Variants in C14orf180 observed in about 807,000 individuals in gnomAD.
The protein encoded by C14orf180 is nutritionally-regulated adipose and cardiac enriched protein homolog.
C14orf180 carries 13 observed loss-of-function variants against 13.9 expected under a neutral mutation model. The observed-to-expected ratio is 0.94, with a 90% CI of 0.61 to 1.49. C14orf180 has a LOEUF of 1.49. Ranked by LOEUF, C14orf180 falls within the 40% of genes most tolerant of loss-of-function variation. The probability of loss-of-function intolerance (pLI) is 0.00; values close to 1 mark genes in which losing one functional copy is unlikely to be tolerated. For missense variants in C14orf180, 238 were observed against 232.0 expected (o/e 1.03, Z -0.17); for synonymous variants, 113 against 106.3 (o/e 1.06, Z -0.39).
intron 1 of C14orf180, among the ~76,000 whole-genome samples, chr14:104,582,276 A>G (rs1410428766): frequency 6.6e-6 from 1 of 152,098 alleles, no homozygotes; most frequent in East Asian, 1.9e-4. Flanking sequence ...GCTTGGCGTT[A>G]TCCAAGCCAC....
At chr14:104,587,319 C>A (rs1364143052) in intron 2 of C14orf180, among the ~76,000 whole-genome samples, 1 of 152,178 alleles carries the variant, frequency 6.6e-6, no homozygotes, top group East Asian at 1.9e-4. Context: ...CCGAGGCCAC[C>A]AACCAGCCCT....
At chr14:104,587,289 C>A (rs1198295682) in intron 2 of C14orf180, among the ~76,000 whole-genome samples, 1 of 151,974 alleles carries the variant, frequency 6.6e-6, no homozygotes, top group African/African-American at 2.4e-5. Flanking sequence ...CTGGGAGGCT[C>A]GGCCCCAGGG....
At chr14:104,585,305 C>A (rs1450942731) in intron 1 of C14orf180, among the ~76,000 whole-genome samples, 1 of 152,216 alleles carries the variant, frequency 6.6e-6, no homozygotes, top group Non-Finnish European at 1.5e-5. Context: ...GCCCCAGCCC[C>A]CTCTGGCCTC....
chr14:104,583,592 C>T (rs1566734979), intron 1 of C14orf180, among the ~76,000 whole-genome samples: 1 of 152,076 alleles, frequency 6.6e-6, no homozygotes, highest in Non-Finnish European at 1.5e-5. Context: ...GGAGCCCACA[C>T]CTGAAGAGGG....
chr14:104,586,334 G>T (rs1886617789), intron 1 of C14orf180, 81 bp from the exon 2 acceptor site: 3 of 1,012,846 alleles, frequency 3.0e-6, no homozygotes, highest in African/African-American at 1.7e-5. Flanking sequence ...TTCCAGGAAA[G>T]AATTTTCTCC....
chr14:104,583,029 C>G (rs1161412990), intron 1 of C14orf180, among the ~76,000 whole-genome samples: 2 of 152,208 alleles, frequency 1.3e-5, no homozygotes, highest in African/African-American at 4.8e-5. Flanking sequence ...GGACTTGAGC[C>G]AGACCTCTCT....
chr14:104,580,524 G>A (rs1010453642), intron 1 of C14orf180, among the ~76,000 whole-genome samples: 7 of 152,234 alleles, frequency 4.6e-5, no homozygotes, highest in Middle Eastern at 3.2e-3. Context: ...CATGAACCCA[G>A]CCAGCCTTCC....
Position 104,589,035 on chromosome 14 carries a change from T to G in C14orf180, c.*252T>G. ...GTGTTGGGTCCATGTGAGATTTTATTAGAAAGAGGATTCGACTGCTAACAG... is the reference window on the plus strand; with the variant it reads ...GTGTTGGGTCCATGTGAGATTTTATGAGAAAGAGGATTCGACTGCTAACAG... On this transcript the variant is annotated 3_prime_UTR_variant, in exon 5 of 5. Coordinates refer to ENST00000557649, the MANE Select transcript of C14orf180 (RefSeq NM_001008404.3). This position sits in a 1 kb window ranked among gnomAD's most constrained non-coding sequence, Gnocchi z 4.9. The G allele has an allele frequency of 1.4e-6, 1 of 712,260 alleles. No homozygotes were observed. The highest frequency in any genetic ancestry group is 2.3e-5 in the South Asian group (1 of 43,168). 44.1% of individuals were successfully genotyped at this position (712,260 alleles called of 1,614,324 possible). A position where few individuals can be genotyped will look rare whatever the true frequency, so the allele number is the denominator to read the frequency against.
At chr14:104,582,173 A>G (rs1312116542) in intron 1 of C14orf180, among the ~76,000 whole-genome samples, 2 of 152,174 alleles carry the variant, frequency 1.3e-5, no homozygotes, top group Admixed American at 6.5e-5. Context: ...GGCCAGGCAG[A>G]GGCAGCAGCC....
rs2140470181 is a variant in C14orf180, at chr14:104,588,931, AC to A, written c.*152del. 1.4e-6 allele frequency: 2 copies of A among 1,428,708 alleles called. No individual in the cohort carries two copies. The highest frequency in any genetic ancestry group is 1.5e-5 in the South Asian group (1 of 67,558). The allele number at this position is 1,428,708 out of a possible 1,614,324, so 88.5% of individuals were successfully genotyped here. On this transcript the variant is annotated 3_prime_UTR_variant, in exon 5 of 5. Transcript: ENST00000557649. The stretch of plus-strand genomic sequence containing the variant: ...CTGAGGGCTAACTAGGAAAAGGGGG[AC>A]CCCGTGGCGTGAGATCGGACATGGG...
chr14:104,584,736 C>G (rs1886558497), intron 1 of C14orf180, among the ~76,000 whole-genome samples: 1 of 152,226 alleles, frequency 6.6e-6, no homozygotes, highest in South Asian at 2.1e-4. Context: ...ATGGCCGGCT[C>G]CTGCCACAAC....
Position 104,588,300 on chromosome 14 carries a change from A to G in C14orf180, c.268A>G (p.Thr90Ala), listed in dbSNP as rs1886706246. Reference protein sequence around the residue: ...HYIADKNATATVRVPGRPRPH... With the variant: ...HYIADKNATAAVRVPGRPRPH... ...CATTGCTGACAAGAACGCCACAGCC[A>G]CTGTCAGGGGTGAGTTCTGAGCCCA... The change falls in exon 4 of 5, where the codon ACT (threonine) becomes GCT (alanine). Residue 90 changes from threonine to alanine, a missense_variant. Physicochemically the swap from Thr to Ala is moderately conservative, Grantham distance 58 (BLOSUM62 0). Coordinates refer to ENST00000557649, the MANE Select transcript of C14orf180 (RefSeq NM_001008404.3). 1 of 1,613,998 alleles carries G rather than the reference A, an allele frequency of 6.2e-7. No individual in the cohort carries two copies. The highest frequency in any genetic ancestry group is 8.5e-7 in the Non-Finnish European group (1 of 1,179,980).
At chr14:104,587,932 A>C in intron 3 of C14orf180, 54 bp downstream of exon 3, 1 of 1,551,904 alleles carries the variant, frequency 6.4e-7, no homozygotes, top group Non-Finnish European at 8.7e-7. Flanking sequence ...AAGCAGAGGG[A>C]GGCGGGGACA....
intron 1 of C14orf180, 91 bp downstream of exon 1, chr14:104,580,094 G>A (rs1886388039): frequency 2.0e-5 from 3 of 152,222 alleles, no homozygotes; most frequent in Non-Finnish European, 4.4e-5. Context: ...GGTGCAGGTG[G>A]GGAACCTGCC....
Position 104,586,509 on chromosome 14 carries a change from G to T in C14orf180, c.79G>T (p.Ala27Ser), listed in dbSNP as rs201836429. ...RRQTRKNEEA[A>S]WGPRVCRAER... ...TCAGACCAGAAAGAATGAGGAGGCC[G>T]CGTGGGGCCCGCGGGTGTGCAGGGC... The change falls in exon 2 of 5, where the codon GCG becomes TCG. Residue 27 changes from alanine (A) to serine (S), a missense_variant. Ala to Ser is a moderately conservative substitution (Grantham distance 99). Transcript: ENST00000557649. 4 of 1,547,220 alleles carry T rather than the reference G, an allele frequency of 2.6e-6. No individual in the cohort carries two copies. The highest frequency in any genetic ancestry group is 2.7e-5 in the African/African-American group (2 of 73,024).
In C14orf180 at chr14:104,588,666, C is replaced by T. The variant is rs533562119; in HGVS notation, c.366C>T (p.Cys122=). The T allele has an allele frequency of 1.7e-5, 26 of 1,534,102 alleles. No homozygotes were observed. Among genetic ancestry groups the T allele is most frequent in the South Asian group, 1.1e-4 (9 of 83,824 alleles). Residue 122 remains cysteine, a synonymous_variant, in exon 5 of 5, where the codon TGC becomes TGT. Transcript: ENST00000557649. The stretch of plus-strand genomic sequence containing the variant: ...TCGTGCTGGCCCTGGGCCTATACTG[C>T]GGCCGGGCCAAGCCCGTGGCAACGG... ...VLLVLALGLY[C]GRAKPVATAL... is the part of the protein sequence containing the mutation.
At position 104,588,488 on chromosome 14, in the gene C14orf180, G is replaced by A. The variant is rs929952259; in HGVS notation, c.278-90G>A. 3.0e-5 allele frequency: 43 copies of A among 1,440,502 alleles called. No homozygotes were observed. The Admixed American group carries it at 6.5e-4, about 22-fold the overall frequency. The allele number at this position is 1,440,502 out of a possible 1,614,324, so 89.2% of individuals were successfully genotyped here. ...GAGGGGCCATGGGCATGGACAGGGTGGAATCTCCCCATCCCTTCCCCACCA... is the reference window on the plus strand; with the variant it reads ...GAGGGGCCATGGGCATGGACAGGGTAGAATCTCCCCATCCCTTCCCCACCA... On this transcript the variant is annotated intron_variant, in intron 4 of 4. Coordinates refer to ENST00000557649, the MANE Select transcript of C14orf180 (RefSeq NM_001008404.3).
At position 104,587,746 on chromosome 14, in the gene C14orf180, C is replaced by A. The variant is rs144973367; in HGVS notation, c.112-3C>A. 1.2e-6 allele frequency: 2 copies of A among 1,612,236 alleles called. No homozygotes were observed. Among genetic ancestry groups the A allele is most frequent in the East Asian group, 2.2e-5 (1 of 44,882 alleles). ...ACCAGTCTGCTTCCCGCCCCCACAC[C>A]AGGAGGACAACAGGAAGTGCCCCCC... is the stretch of plus-strand genomic sequence containing the variant. On this transcript the variant is annotated splice_polypyrimidine_tract_variant and splice_region_variant and intron_variant, in intron 2 of 4. Transcript: ENST00000557649.
At chr14:104,588,517 CCA>C (rs1307597761) in intron 4 of C14orf180, 59 bp from the exon 5 acceptor site, 8 of 1,439,944 alleles carry the variant, frequency 5.6e-6, no homozygotes, top group Non-Finnish European at 7.3e-6. Flanking sequence ...CCCACCAGCC[CCA>C]GTCCTCCAGG....
Sources: allele counts gnomAD v4.1 joint callset (sites outside exome capture counted in the v4.1 genomes callset), GRCh38; gene constraint gnomAD v4.1.1; non-coding constraint Gnocchi (gnomAD v3.1); transcripts MANE v1.5; gene names NCBI Gene and HGNC (gene_info 2026-07-23, HGNC 2026-07-21).